Variants in FGD6 observed in about 807,000 individuals in gnomAD.
The protein encoded by FGD6 is FYVE, RhoGEF and PH domain-containing protein 6.
Under a neutral mutation model 149.4 loss-of-function variants are expected in FGD6, and 90 were observed. The observed-to-expected ratio is 0.60, with a 90% CI of 0.51 to 0.72. The LOEUF (loss-of-function observed/expected upper bound fraction) is 0.72, where lower values mean the gene tolerates loss of function less well. FGD6 is among the 30% of genes least tolerant of loss of function. FGD6 has a pLI of 0.00. For missense variants in FGD6, 1,437 were observed against 1,684.8 expected, an observed-to-expected ratio of 0.85 and a Z score of 2.57; for synonymous variants, 527 against 584.0, an observed-to-expected ratio of 0.90 and a Z score of 1.41.
chr12:95,105,003 T>C lies in FGD6; in HGVS notation c.3497+4A>G. ...AAAAAAAAAAAGAAGAAGAAAAAAT[T>C]TACCTGGCTGAGAGAATGAAGGAAC... is the stretch of plus-strand genomic sequence containing the variant. On this transcript the variant is annotated splice_donor_region_variant and intron_variant, in intron 14 of 20. Transcript: ENST00000343958. 6.3e-7 allele frequency: 1 copy of C among 1,575,406 alleles called. No homozygotes were observed. The highest frequency in any genetic ancestry group is 1.4e-5 in the African/African-American group (1 of 72,026).
chr12:95,137,635 G>T lies in FGD6; in HGVS notation c.2881C>A (p.Pro961Thr). 2 of 1,609,910 alleles carry T rather than the reference G, an allele frequency of 1.2e-6. No homozygotes were observed. The highest frequency in any genetic ancestry group is 1.7e-6 in the Non-Finnish European group (2 of 1,178,272). Residue 961 changes from proline to threonine, a missense_variant, in exon 7 of 21, where the codon CCA becomes ACA. This residue lies in a region of FGD6 where 1,055 missense variants were observed against 1,146.0 expected (regional missense o/e 0.92). Coordinates refer to ENST00000343958, the MANE Select transcript of FGD6 (RefSeq NM_018351.4). Reference protein sequence around the residue: ...RIADIFVKKGPYLKMYSTYIK... With the variant: ...RIADIFVKKGTYLKMYSTYIK... ...TATGTGGAATACATTTTTAGATATG[G>T]TCCCTTCTTTACAAAGATATCAGCA...
chr12:95,114,254 C>G (rs1878933353), intron 8 of FGD6, among the ~76,000 whole-genome samples: 1 of 152,006 alleles, frequency 6.6e-6, no homozygotes, highest in African/African-American at 2.4e-5. Context: ...TGTCTGGAGA[C>G]AGTTGTGGTT....
intron 2 of FGD6, among the ~76,000 whole-genome samples, chr12:95,200,790 C>T (rs936638319): frequency 6.6e-6 from 1 of 152,140 alleles, no homozygotes; most frequent in South Asian, 2.1e-4. Flanking sequence ...CAGAGATCCA[C>T]GAACACAATT....
At chr12:95,133,004 A>G (rs1879568000) in intron 8 of FGD6, among the ~76,000 whole-genome samples, 1 of 152,228 alleles carries the variant, frequency 6.6e-6, no homozygotes, top group South Asian at 2.1e-4. Flanking sequence ...TGTCCTGTGT[A>G]TTCTAAATCT....
intron 8 of FGD6, among the ~76,000 whole-genome samples, chr12:95,123,308 A>G (rs571919154): frequency 3.9e-5 from 6 of 152,190 alleles, no homozygotes; most frequent in African/African-American, 1.4e-4. Context: ...AGGTTGGAGA[A>G]CTGCTTGCAG....
chr12:95,205,879 GAAAGCGA>G (rs1400808947), intron 2 of FGD6, among the ~76,000 whole-genome samples: 1 of 152,150 alleles, frequency 6.6e-6, no homozygotes, highest in Non-Finnish European at 1.5e-5. Flanking sequence ...AGTCTCCTTG[GAAAGCGA>G]AATTCAAAAG....
rs1228675669 is a variant in FGD6, at chr12:95,079,276, T to A, written c.*2244A>T. 6.6e-6 allele frequency: 1 copy of A among 152,210 alleles called. No individual in the cohort carries two copies. Among genetic ancestry groups the A allele is most frequent in the Admixed American group, 6.5e-5 (1 of 15,272 alleles). The allele number at this position is 152,210 out of a possible 1,614,324, so 9.4% of individuals were successfully genotyped here. A position where few individuals can be genotyped will look rare whatever the true frequency, so the allele number is the denominator to read the frequency against. Reference sequence around the variant, plus strand: ...CATTTTTCTAAACCCTCCATGGGGCTAAGCCAATAGGTAATACAGTCACAT... The same window carrying A: ...CATTTTTCTAAACCCTCCATGGGGCAAAGCCAATAGGTAATACAGTCACAT... On this transcript the variant is annotated 3_prime_UTR_variant, in exon 21 of 21. Coordinates refer to ENST00000343958, the MANE Select transcript of FGD6 (RefSeq NM_018351.4).
intron 3 of FGD6, among the ~76,000 whole-genome samples, chr12:95,153,449 G>C (rs1880368212): frequency 6.6e-6 from 1 of 152,158 alleles, no homozygotes; most frequent in South Asian, 2.1e-4. Context: ...ATCACCTGAG[G>C]TTGGGAGTTC....
Position 95,141,402 on chromosome 12 carries a change from T to C in FGD6, c.2823A>G (p.Glu941=). 1 of 1,614,018 alleles carries C rather than the reference T, an allele frequency of 6.2e-7. No individual in the cohort carries two copies. The highest frequency in any genetic ancestry group is 8.5e-7 in the Non-Finnish European group (1 of 1,179,934). ...LNRDLLKELE[E]RMLHWTEQQR... ...TCCATTTTTACCAGTGCAACATTCTTTCCTCCAGTTCCTTCAAGAGATCCC... is the reference window on the plus strand; with the variant it reads ...TCCATTTTTACCAGTGCAACATTCTCTCCTCCAGTTCCTTCAAGAGATCCC... The change falls in exon 6 of 21, where the codon GAA becomes GAG. Residue 941 remains glutamate (E), a synonymous_variant. Transcript: ENST00000343958.
At chr12:95,166,222 C>T (rs1196747958) in intron 3 of FGD6, among the ~76,000 whole-genome samples, 1 of 152,094 alleles carries the variant, frequency 6.6e-6, no homozygotes, top group East Asian at 1.9e-4. Context: ...CCTGATATCA[C>T]CGACTTTTCC....
intron 2 of FGD6, among the ~76,000 whole-genome samples, chr12:95,180,417 C>T (rs1488574748): frequency 1.3e-5 from 2 of 149,678 alleles, no homozygotes; most frequent in East Asian, 3.9e-4. Context: ...GCTCTGTCAC[C>T]CAGGCTGGAG....
chr12:95,157,132 A>G (rs1437205701), intron 3 of FGD6, among the ~76,000 whole-genome samples: 1 of 152,234 alleles, frequency 6.6e-6, no homozygotes, highest in Non-Finnish European at 1.5e-5. Flanking sequence ...TTGTTAAATT[A>G]TGATATTAAA....
chr12:95,126,740 A>T (rs1032364456), intron 8 of FGD6, among the ~76,000 whole-genome samples: 23 of 151,632 alleles, frequency 1.5e-4, no homozygotes, highest in Middle Eastern at 3.4e-3. Context: ...CAAAAAAAAA[A>T]AAAAAGAAAA....
At chr12:95,135,382 A>G (rs139453803) in intron 7 of FGD6, among the ~76,000 whole-genome samples, 110 of 152,344 alleles carry the variant, frequency 7.2e-4, no homozygotes, top group African/African-American at 2.5e-3. Flanking sequence ...TGAAGAATGT[A>G]AAAGTCTTTT....
intron 6 of FGD6, among the ~76,000 whole-genome samples, chr12:95,139,729 C>T (rs925501095): frequency 6.6e-6 from 1 of 151,360 alleles, no homozygotes; most frequent in African/African-American, 2.4e-5. Flanking sequence ...AATCTCGGCT[C>T]ACTGCAGCCT....
chr12:95,216,045 T>A (rs1399651387), intron 1 of FGD6, among the ~76,000 whole-genome samples: 1 of 152,252 alleles, frequency 6.6e-6, no homozygotes, highest in Non-Finnish European at 1.5e-5. Flanking sequence ...ATATCTCATA[T>A]AAGTGCATAT....
In FGD6 at chr12:95,210,281, T is replaced by C; in HGVS notation, c.1003A>G (p.Ser335Gly). The change falls in exon 2 of 21, where the codon AGT (serine) becomes GGT (glycine). Residue 335 changes from serine (S) to glycine (G), a missense_variant. Physicochemically the swap from Ser to Gly is moderately conservative, Grantham distance 56 (BLOSUM62 0). Transcript: ENST00000343958. ...LLRQKCVDTP[S>G]ESTEEPGNSD... ...TTCCCCGGTTCTTCAGTGCTTTCAC[T>C]AGGAGTATCTACACACTTTTGGCGT... 1.2e-6 allele frequency: 2 copies of C among 1,613,958 alleles called. No homozygotes were observed. The highest frequency in any genetic ancestry group is 2.2e-5 in the East Asian group (1 of 44,866).
At chr12:95,087,766 T>A (rs1368770303) in intron 18 of FGD6, among the ~76,000 whole-genome samples, 2 of 152,200 alleles carry the variant, frequency 1.3e-5, no homozygotes, top group East Asian at 3.8e-4. Context: ...ATTAATTTCT[T>A]ATAAATTTCA....
At chr12:95,207,285 G>A (rs540614521) in intron 2 of FGD6, among the ~76,000 whole-genome samples, 1 of 152,112 alleles carries the variant, frequency 6.6e-6, no homozygotes, top group South Asian at 2.1e-4. Context: ...ATGATTGTAA[G>A]TTTCCTGAGG....
Sources: gnomAD v4.1 joint callset for allele counts (sites outside exome capture counted in the v4.1 genomes callset) on GRCh38, gnomAD v4.1.1 for gene constraint, gnomAD v4.1.1 regional missense constraint, MANE v1.5 for transcripts, NCBI Gene and HGNC (gene_info 2026-07-23, HGNC 2026-07-21) for gene names.